SESTD1: variants seen among roughly 807,000 people sequenced by gnomAD.
The protein encoded by SESTD1 is SEC14 domain and spectrin repeat-containing protein 1.
SESTD1 carries 43 observed loss-of-function variants against 101.7 expected under a neutral mutation model. The observed-to-expected ratio is 0.42, with a 90% CI of 0.33 to 0.55. The LOEUF is 0.55. SESTD1 is among the 20% of genes least tolerant of loss of function. The probability of loss-of-function intolerance (pLI) is 0.07; values close to 1 mark genes in which losing one functional copy is unlikely to be tolerated. For synonymous variants in SESTD1, 283 were observed against 286.8 expected (o/e 0.99, Z 0.13); for missense variants, 647 against 815.1 (o/e 0.79, Z 2.51).
In SESTD1 at chr2:179,165,027, C is replaced by A. The variant is rs1180775253; in HGVS notation, c.369+7093G>T. Among the ~76,000 whole-genome samples, 3 of 152,018 alleles carry A rather than the reference C, an allele frequency of 2.0e-5. No individual in the cohort carries two copies. In the East Asian group the frequency reaches 5.8e-4, roughly 29 times the overall value. On this transcript the variant is annotated intron_variant, in intron 5 of 17. Transcript: ENST00000428443. ...CCAAGAAAAATAATTTGCAATTAAACGAGCATCTATGTTGGATTTAATTAT... is the reference window on the plus strand; with the variant it reads ...CCAAGAAAAATAATTTGCAATTAAAAGAGCATCTATGTTGGATTTAATTAT...
At chr2:179,114,981 T>G in intron 16 of SESTD1, 84 bp downstream of exon 16, 2 of 1,148,958 alleles carry the variant, frequency 1.7e-6, no homozygotes. Flanking sequence ...AGATTAGTCA[T>G]ATAGTTACAT....
intron 4 of SESTD1, among the ~76,000 whole-genome samples, chr2:179,172,519 T>G (rs2045944986): frequency 6.6e-6 from 1 of 152,206 alleles, no homozygotes; most frequent in African/African-American, 2.4e-5. Context: ...ATGTTTAGCT[T>G]AAACTGTAAG....
rs757261668 is a variant in SESTD1 at position 179,211,160 on chromosome 2, T to C, written c.-25-19294A>G. 6.8e-5 allele frequency among the ~76,000 whole-genome samples: 9 copies of C among 131,998 alleles called. 3 individuals are homozygous for C. The highest frequency in any genetic ancestry group is 4.0e-4 in the East Asian group (2 of 4,954). The allele number at this position is 131,998 out of a possible 152,430, so 86.6% of individuals were successfully genotyped here. ...TACAAAACACTGCTAAAAGAAATCA[T>C]AGACACAAACAAATGGAAACACATC... On this transcript the variant is annotated intron_variant, in intron 1 of 17. Coordinates refer to ENST00000428443, the MANE Select transcript of SESTD1 (RefSeq NM_178123.5).
intron 10 of SESTD1, among the ~76,000 whole-genome samples, chr2:179,131,795 C>CT (rs1346435817): frequency 2.0e-5 from 3 of 152,160 alleles, no homozygotes; most frequent in African/African-American, 7.2e-5. Context: ...TGTGATTTGT[C>CT]TGATTACCCC....
intron 1 of SESTD1, among the ~76,000 whole-genome samples, chr2:179,257,119 T>G (rs868081530): frequency 2.6e-5 from 4 of 151,066 alleles, no homozygotes; most frequent in Admixed American, 6.6e-5. Context: ...GGGTTGTTGT[T>G]TTTTTTTCAA....
rs1462426339 is a variant in SESTD1, at chr2:179,109,941, C to G, written c.2049G>C (p.Arg683Ser). ...CCATTTCAGGATGTCTCAGCTGCTG[C>G]CTTTTGAGATTAACTAGTTTCATCC... ...RDRMKLVNLK[R>S]QQLRHPEMVT... The change falls in exon 18 of 18, where the codon AGG (arginine) becomes AGC (serine). Residue 683 changes from arginine (R) to serine (S), a missense_variant. This residue lies in a region of SESTD1 where 476 missense variants were observed against 562.6 expected (regional missense o/e 0.85). Coordinates refer to ENST00000428443, the MANE Select transcript of SESTD1 (RefSeq NM_178123.5). 6.2e-7 allele frequency: 1 copy of G among 1,613,726 alleles called. No homozygotes were observed. The highest frequency in any genetic ancestry group is 1.7e-5 in the Admixed American group (1 of 59,970).
chr2:179,143,470 A>G (rs2045324446), intron 9 of SESTD1, 122 bp downstream of exon 9: 1 of 722,202 alleles, frequency 1.4e-6, no homozygotes, highest in Non-Finnish European at 2.2e-6. Flanking sequence ...TAAAAGTTTT[A>G]GAATCCAGTT....
In SESTD1 at chr2:179,202,332, T is replaced by C. The variant is rs2046529860; in HGVS notation, c.-25-10466A>G. Among the ~76,000 whole-genome samples the C allele has an allele frequency of 1.5e-5, 2 of 134,556 alleles. 1 individual carries two copies. Among genetic ancestry groups the C allele is most frequent in the Non-Finnish European group, 3.2e-5 (2 of 62,704 alleles). The allele number at this position is 134,556 out of a possible 152,430, so 88.3% of individuals were successfully genotyped here. ...ACTCCCCAGTTTTTGTCACCTCCTG[T>C]CACATTTTCCTCCAATTCTAACTGT... On this transcript the variant is annotated intron_variant, in intron 1 of 17. Coordinates refer to ENST00000428443, the MANE Select transcript of SESTD1 (RefSeq NM_178123.5).
At chr2:179,151,414 G>T in intron 5 of SESTD1, 23 bp from the exon 6 acceptor site, 1 of 1,537,958 alleles carries the variant, frequency 6.5e-7, no homozygotes, top group South Asian at 1.2e-5. Context: ...TAAAAGAAAA[G>T]AAACATTTAG....
chr2:179,184,068 T>C (rs146072952), intron 2 of SESTD1, among the ~76,000 whole-genome samples: 3 of 152,246 alleles, frequency 2.0e-5, no homozygotes, highest in African/African-American at 7.2e-5. Flanking sequence ...GAAGGGTACA[T>C]GGGAACTGGA....
chr2:179,195,220 C>T (rs930823887), intron 1 of SESTD1, among the ~76,000 whole-genome samples: 2 of 152,196 alleles, frequency 1.3e-5, no homozygotes, highest in Non-Finnish European at 2.9e-5. Flanking sequence ...ATTGTAATCT[C>T]CATATGTAGA....
intron 13 of SESTD1, among the ~76,000 whole-genome samples, chr2:179,118,822 T>A (rs2044690306): frequency 6.6e-6 from 1 of 152,212 alleles, no homozygotes; most frequent in South Asian, 2.1e-4. Flanking sequence ...AGTACTATTA[T>A]AAAGCTATTT....
rs774009942 is a variant in SESTD1 at position 179,124,492 on chromosome 2, C to T, written c.1039G>A (p.Glu347Lys). The T allele has an allele frequency of 6.2e-6, 10 of 1,613,978 alleles. No homozygotes were observed. In the Admixed American group the frequency reaches 1.7e-4, roughly 27 times the overall value. The change falls in exon 11 of 18, where the codon GAA becomes AAA. Residue 347 changes from glutamate to lysine, a missense_variant. Coordinates refer to ENST00000428443, the MANE Select transcript of SESTD1 (RefSeq NM_178123.5). ...AGTGACTTTAGTTCCACAAGATCTT[C>T]CTCATCGCCAGCATTCAAGAGTGCT... ...IAALLNAGDE[E>K]DLVELKSLQQ...
chr2:179,198,319 C>A (rs2046438619), intron 1 of SESTD1, among the ~76,000 whole-genome samples: 1 of 152,132 alleles, frequency 6.6e-6, no homozygotes, highest in African/African-American at 2.4e-5. Context: ...TACTGAGTGA[C>A]CTACAAAGAG....
intron 10 of SESTD1, among the ~76,000 whole-genome samples, chr2:179,130,214 T>A (rs979827179): frequency 1.3e-5 from 2 of 152,126 alleles, no homozygotes; most frequent in Non-Finnish European, 2.9e-5. Context: ...GGATCCCCCC[T>A]GGGTATCAAG....
intron 4 of SESTD1, among the ~76,000 whole-genome samples, chr2:179,175,628 T>C (rs192516266): frequency 1.3e-5 from 2 of 152,222 alleles, no homozygotes; most frequent in African/African-American, 4.8e-5. Flanking sequence ...TTAAATTGGA[T>C]AATTAAAATT....
At chr2:179,215,564 A>G (rs969487507) in intron 1 of SESTD1, among the ~76,000 whole-genome samples, 2 of 134,458 alleles carry the variant, frequency 1.5e-5, no homozygotes, top group African/African-American at 5.9e-5. Context: ...CAGGGGTACA[A>G]AGAGGAGCTG....
At chr2:179,156,809 A>AATG (rs2045641693) in intron 5 of SESTD1, among the ~76,000 whole-genome samples, 1 of 152,150 alleles carries the variant, frequency 6.6e-6, no homozygotes, top group Non-Finnish European at 1.5e-5. Flanking sequence ...TTGCCATACA[A>AATG]AAGCTCTTTA....
At chr2:179,238,550 T>C (rs2047102857) in intron 1 of SESTD1, among the ~76,000 whole-genome samples, 1 of 152,196 alleles carries the variant, frequency 6.6e-6, no homozygotes, top group African/African-American at 2.4e-5. Context: ...TAACCTAATA[T>C]GAAGCATCAG....
Sources: allele counts gnomAD v4.1 joint callset (sites outside exome capture counted in the v4.1 genomes callset), GRCh38; gene constraint gnomAD v4.1.1; regional missense constraint gnomAD v4.1.1; transcripts MANE v1.5; gene names NCBI Gene and HGNC (gene_info 2026-07-23, HGNC 2026-07-21).